Variants in DSCAM observed in about 807,000 individuals in gnomAD.
The protein encoded by DSCAM is DS cell adhesion molecule, also known as cell adhesion molecule DSCAM.
Under a neutral mutation model 217.7 loss-of-function variants are expected in DSCAM, and 47 were observed. That is an observed-to-expected ratio of 0.22 (90% CI 0.17 to 0.28). The LOEUF (loss-of-function observed/expected upper bound fraction) is 0.28. DSCAM is among the 10% of genes least tolerant of loss of function. The pLI is 1.00. For synonymous variants in DSCAM, 1,056 were observed against 1,015.3 expected (o/e 1.04, Z -0.76); for missense variants, 2,080 against 2,618.3 (o/e 0.79, Z 4.49).
chr21:40,468,558 AG>A (rs1378393069), intron 3 of DSCAM, among the ~76,000 whole-genome samples: 1 of 152,048 alleles, frequency 6.6e-6, no homozygotes, highest in Non-Finnish European at 1.5e-5. Flanking sequence ...GAGGCCTCAA[AG>A]GTTTTGGGGT....
intron 1 of DSCAM, among the ~76,000 whole-genome samples, chr21:40,804,537 C>T (rs1384920819): frequency 2.0e-5 from 3 of 152,098 alleles, no homozygotes; most frequent in South Asian, 4.2e-4. Flanking sequence ...GTTCCCAGCA[C>T]ACCTTCCTGG....
intron 3 of DSCAM, among the ~76,000 whole-genome samples, chr21:40,489,322 T>C (rs1351730514): frequency 6.6e-6 from 1 of 152,208 alleles, no homozygotes; most frequent in African/African-American, 2.4e-5. Flanking sequence ...GCCTTCAAAC[T>C]GGAACATCAG....
intron 9 of DSCAM, among the ~76,000 whole-genome samples, chr21:40,311,127 A>G (rs762152260): frequency 1.1e-4 from 16 of 152,186 alleles, no homozygotes; most frequent in Non-Finnish European, 1.8e-4. Context: ...AGAAAGAGCT[A>G]TCTCCACTCT....
rs542913136 is a variant in DSCAM at position 40,023,169 on chromosome 21, A to G, written c.5687-9783T>C. Among the ~76,000 whole-genome samples the G allele has an allele frequency of 3.9e-5, 6 of 152,004 alleles. 1 individual carries two copies. In the South Asian group the frequency reaches 1.3e-3, roughly 32 times the overall value. On this transcript the variant is annotated intron_variant, in intron 32 of 32. Transcript: ENST00000400454. ...TAGTTTACTGAGAATGATGATTTCC[A>G]ATTTCATCCATGTCCCTACAAAGGA...
chr21:40,839,974 T>G (rs2092086978), intron 1 of DSCAM, among the ~76,000 whole-genome samples: 1 of 152,202 alleles, frequency 6.6e-6, no homozygotes, highest in Non-Finnish European at 1.5e-5. Flanking sequence ...TAATATGTAT[T>G]TACATAATCC....
intron 1 of DSCAM, among the ~76,000 whole-genome samples, chr21:40,734,777 T>C (rs1485058215): frequency 6.6e-6 from 1 of 152,236 alleles, no homozygotes; most frequent in Non-Finnish European, 1.5e-5. Flanking sequence ...TAATGTTGTA[T>C]GAAAATGTAG....
intron 4 of DSCAM, among the ~76,000 whole-genome samples, chr21:40,360,014 A>C (rs2074740445): frequency 6.6e-6 from 1 of 151,078 alleles, no homozygotes; most frequent in Admixed American, 6.6e-5. Flanking sequence ...TTTATTTTAG[A>C]TATAGGCGGT....
At chr21:40,153,524 T>C (rs2090446180) in intron 16 of DSCAM, among the ~76,000 whole-genome samples, 1 of 152,008 alleles carries the variant, frequency 6.6e-6, no homozygotes, top group African/African-American at 2.4e-5. Flanking sequence ...TGGGGTGAGG[T>C]ATCCATGGTG....
intron 11 of DSCAM, among the ~76,000 whole-genome samples, chr21:40,242,890 C>G (rs1471710181): frequency 6.6e-6 from 1 of 152,190 alleles, no homozygotes; most frequent in Non-Finnish European, 1.5e-5. Flanking sequence ...GGATCTGTTT[C>G]CCACCACTCA....
intron 3 of DSCAM, among the ~76,000 whole-genome samples, chr21:40,414,091 A>G (rs1445228741): frequency 6.6e-6 from 1 of 152,228 alleles, no homozygotes; most frequent in Non-Finnish European, 1.5e-5. Flanking sequence ...TATGGGACAA[A>G]AATAATTTGA....
At chr21:40,610,113 T>C (rs1345274695) in intron 3 of DSCAM, among the ~76,000 whole-genome samples, 1 of 152,138 alleles carries the variant, frequency 6.6e-6, no homozygotes, top group Admixed American at 6.5e-5. Flanking sequence ...ATCTCGAGGA[T>C]TCTGGGCTGA....
chr21:40,104,464 G>T (rs1224866368), intron 20 of DSCAM, among the ~76,000 whole-genome samples: 2 of 152,170 alleles, frequency 1.3e-5, no homozygotes, highest in Admixed American at 6.5e-5. Flanking sequence ...TTTCAAAGCT[G>T]CAATCTTCCA....
intron 2 of DSCAM, among the ~76,000 whole-genome samples, chr21:40,694,733 G>A (rs1296324930): frequency 6.6e-6 from 1 of 151,602 alleles, no homozygotes; most frequent in African/African-American, 2.4e-5. Context: ...AAAAATTCAG[G>A]GCGCCCAAGA....
At chr21:40,213,973 T>C (rs2091213325) in intron 11 of DSCAM, among the ~76,000 whole-genome samples, 2 of 152,192 alleles carry the variant, frequency 1.3e-5, no homozygotes, top group Admixed American at 1.3e-4. Context: ...AATCCACACC[T>C]ACATGGTGAG....
At position 40,059,007 on chromosome 21, in the gene DSCAM, A is replaced by T. The variant is rs535122360; in HGVS notation, c.4920-3167T>A. 3.9e-5 allele frequency among the ~76,000 whole-genome samples: 6 copies of T among 152,344 alleles called. No homozygotes were observed. The East Asian group carries it at 9.6e-4, about 24-fold the overall frequency. ...AAGAGGAGAGCAGAGACGGTTTCAT[A>T]GGGCAGAGAATTTCCCAGCTTAGCC... is the stretch of plus-strand genomic sequence containing the variant. On this transcript the variant is annotated intron_variant, in intron 28 of 32. Transcript: ENST00000400454.
chr21:40,325,696 T>C (rs1266359800), intron 8 of DSCAM, among the ~76,000 whole-genome samples: 2 of 152,146 alleles, frequency 1.3e-5, no homozygotes, highest in African/African-American at 2.4e-5. Context: ...AGCACAATAG[T>C]AATGAAAAGA....
chr21:40,451,756 T>G (rs2075721605), intron 3 of DSCAM, among the ~76,000 whole-genome samples: 1 of 152,168 alleles, frequency 6.6e-6, no homozygotes, highest in Non-Finnish European at 1.5e-5. Context: ...CGCCAGAAAC[T>G]ATTTGGATTA....
intron 3 of DSCAM, among the ~76,000 whole-genome samples, chr21:40,503,803 G>C (rs1340283053): frequency 6.6e-6 from 1 of 152,172 alleles, no homozygotes; most frequent in African/African-American, 2.4e-5. Context: ...TTTGGTTTTG[G>C]TTTTAGTTTT....
chr21:40,223,395 A>G lies in DSCAM; in HGVS notation c.2357-34157T>C, dbSNP rs138992002. On this transcript the variant is annotated intron_variant, in intron 11 of 32. Coordinates refer to ENST00000400454, the MANE Select transcript of DSCAM (RefSeq NM_001389.5). ...ATTCCAGCTGCTACTATCCTAAGGGAAATGCCATTTTCAGCTCTTAAACAC... is the reference window on the plus strand; with the variant it reads ...ATTCCAGCTGCTACTATCCTAAGGGGAATGCCATTTTCAGCTCTTAAACAC... 1.5e-3 allele frequency among the ~76,000 whole-genome samples: 225 copies of G among 152,342 alleles called. 4 individuals are homozygous for G. In the East Asian group the frequency reaches 0.028, roughly 19 times the overall value.
Sources: allele counts gnomAD v4.1 joint callset (sites outside exome capture counted in the v4.1 genomes callset), GRCh38; gene constraint gnomAD v4.1.1; transcripts MANE v1.5; gene names NCBI Gene and HGNC (gene_info 2026-07-23, HGNC 2026-07-21).